The following LARGE1 variants were observed in gnomAD, a reference collection of about 807,000 sequenced individuals.
LARGE1 encodes the protein xylosyl- and glucuronyltransferase LARGE1.
In LARGE1, 43 loss-of-function variants were observed where a neutral mutation model predicts 87.6. The ratio of observed to expected loss-of-function variants is 0.49; its 90% confidence interval spans 0.38 to 0.63. LARGE1 has a LOEUF of 0.63. LARGE1 is among the 30% of genes least tolerant of loss of function. The pLI is 0.00. For synonymous variants in LARGE1, 434 were observed against 394.6 expected (o/e 1.10, Z -1.18); for missense variants, 802 against 1,000.2 (o/e 0.80, Z 2.67).
At chr22:33,459,319 G>A (rs2068270806) in intron 6 of LARGE1, among the ~76,000 whole-genome samples, 2 of 152,196 alleles carry the variant, frequency 1.3e-5, no homozygotes, top group African/African-American at 2.4e-5. Context: ...CCCTCCAAAT[G>A]CACAGGCCTC....
At chr22:33,474,299 G>A (rs201275472) in intron 6 of LARGE1, among the ~76,000 whole-genome samples, 1 of 152,180 alleles carries the variant, frequency 6.6e-6, no homozygotes, top group East Asian at 1.9e-4. Context: ...AAGTAGCTGG[G>A]ATTATAGGCA....
At chr22:33,842,837 G>C (rs2063317931) in intron 1 of LARGE1, among the ~76,000 whole-genome samples, 1 of 151,970 alleles carries the variant, frequency 6.6e-6, no homozygotes, top group African/African-American at 2.4e-5. Context: ...AGGGCAGCTG[G>C]GATGTTACTC....
chr22:33,501,233 A>G (rs1185663168), intron 6 of LARGE1, among the ~76,000 whole-genome samples: 1 of 152,208 alleles, frequency 6.6e-6, no homozygotes, highest in Non-Finnish European at 1.5e-5. Flanking sequence ...TCTTGTCACC[A>G]TCTGTAAAAG....
intron 11 of LARGE1, among the ~76,000 whole-genome samples, chr22:33,246,546 T>G (rs1180503923): frequency 6.6e-6 from 1 of 152,062 alleles, no homozygotes; most frequent in Non-Finnish European, 1.5e-5. Flanking sequence ...CTCAGGAGAT[T>G]GGGGCCAGAG....
At chr22:33,090,773 A>G in the LARGE1 span, among the ~76,000 whole-genome samples, 1 of 152,174 alleles carries the variant, frequency 6.6e-6, no homozygotes, top group Non-Finnish European at 1.5e-5. Flanking sequence ...TAGACCACAA[A>G]ATTAGATTGC....
At chr22:33,104,773 C>T in the LARGE1 span, among the ~76,000 whole-genome samples, 1 of 152,150 alleles carries the variant, frequency 6.6e-6, no homozygotes, top group Non-Finnish European at 1.5e-5. Flanking sequence ...CCTCCCTTGT[C>T]TTTTCAAGAC....
At position 33,805,631 on chromosome 22, in the gene LARGE1, G is replaced by C. The variant is rs1020664562; in HGVS notation, c.-82-44073C>G. Among the ~76,000 whole-genome samples, 4 of 152,152 alleles carry C rather than the reference G, an allele frequency of 2.6e-5. No individual in the cohort carries two copies. In the East Asian group the frequency reaches 7.8e-4, roughly 30 times the overall value. ...TGTCTGTAATCCCAGCTACTGGGGA[G>C]GCTGAGGCAGGAGAATTCCTTGAAC... On this transcript the variant is annotated intron_variant, in intron 1 of 14. Transcript: ENST00000397394.
At chr22:33,890,201 T>C (rs887864981) in intron 1 of LARGE1, among the ~76,000 whole-genome samples, 1 of 152,222 alleles carries the variant, frequency 6.6e-6, no homozygotes, top group Non-Finnish European at 1.5e-5. Flanking sequence ...GTTCAAATCC[T>C]AGTTTCTCCC....
At chr22:33,736,403 T>C (rs1184722402) in intron 2 of LARGE1, among the ~76,000 whole-genome samples, 1 of 152,256 alleles carries the variant, frequency 6.6e-6, no homozygotes, top group Non-Finnish European at 1.5e-5. Flanking sequence ...CTGAGCATTT[T>C]TTCATGTGCT....
At chr22:33,879,625 C>T (rs2064603667) in intron 1 of LARGE1, among the ~76,000 whole-genome samples, 1 of 152,212 alleles carries the variant, frequency 6.6e-6, no homozygotes, top group African/African-American at 2.4e-5. Flanking sequence ...AGGTCTGGCT[C>T]AAACCACTTT....
chr22:33,254,787 C>T (rs1398765743), intron 11 of LARGE1, among the ~76,000 whole-genome samples: 1 of 152,146 alleles, frequency 6.6e-6, no homozygotes, highest in African/African-American at 2.4e-5. Flanking sequence ...CATTCTTCTT[C>T]TCTTTCTCTA....
chr22:33,101,488 A>G, the LARGE1 span, among the ~76,000 whole-genome samples: 1 of 152,200 alleles, frequency 6.6e-6, no homozygotes, highest in African/African-American at 2.4e-5. Flanking sequence ...TTTCTCATGT[A>G]TCTCCTCTGT....
At chr22:33,375,232 C>T (rs1304050770) in intron 9 of LARGE1, among the ~76,000 whole-genome samples, 1 of 152,172 alleles carries the variant, frequency 6.6e-6, no homozygotes, top group East Asian at 1.9e-4. Context: ...CTATAGTGCA[C>T]AATGATTTGG....
At chr22:33,721,007 G>A (rs2083079458) in intron 2 of LARGE1, among the ~76,000 whole-genome samples, 1 of 152,220 alleles carries the variant, frequency 6.6e-6, no homozygotes, top group African/African-American at 2.4e-5. Flanking sequence ...GGAGTGAAAG[G>A]AAACCAGATA....
chr22:33,590,781 T>C (rs976581418), intron 5 of LARGE1, among the ~76,000 whole-genome samples: 3 of 152,338 alleles, frequency 2.0e-5, no homozygotes, highest in Non-Finnish European at 4.4e-5. Context: ...GTCAGTGAAG[T>C]CCTATGAATA....
the LARGE1 span, among the ~76,000 whole-genome samples, chr22:33,104,219 G>A: frequency 6.6e-6 from 1 of 152,184 alleles, no homozygotes; most frequent in Non-Finnish European, 1.5e-5. Flanking sequence ...ATACCACTGT[G>A]AGCTAATAAG....
At chr22:33,181,562 C>T (rs1923163266) in intron 11 of LARGE1, among the ~76,000 whole-genome samples, 1 of 150,656 alleles carries the variant, frequency 6.6e-6, no homozygotes, top group Admixed American at 6.6e-5. Flanking sequence ...TGTAGTCTCG[C>T]TCTGTCACCA....
intron 5 of LARGE1, among the ~76,000 whole-genome samples, chr22:33,601,837 A>G (rs1298061347): frequency 1.3e-5 from 2 of 152,122 alleles, no homozygotes; most frequent in African/African-American, 4.8e-5. Flanking sequence ...TTTATTTCGG[A>G]TGTATATATA....
At chr22:33,889,440 A>G (rs1266359912) in intron 1 of LARGE1, among the ~76,000 whole-genome samples, 2 of 152,204 alleles carry the variant, frequency 1.3e-5, no homozygotes, top group African/African-American at 2.4e-5. Flanking sequence ...GAGATTCTGG[A>G]GCTGGAATAA....
Sources: allele counts gnomAD v4.1 joint callset (sites outside exome capture counted in the v4.1 genomes callset), GRCh38; gene constraint gnomAD v4.1.1; transcripts MANE v1.5; gene names NCBI Gene and HGNC (gene_info 2026-07-23, HGNC 2026-07-21).